The following WDFY3 variants were observed in gnomAD, a reference collection of about 807,000 sequenced individuals.
The protein encoded by WDFY3 is WD repeat and FYVE domain-containing protein 3.
In WDFY3, 66 loss-of-function variants were observed where a neutral mutation model predicts 409.6. The ratio of observed to expected loss-of-function variants is 0.16; its 90% CI spans 0.13 to 0.20. The LOEUF (loss-of-function observed/expected upper bound fraction) is 0.20, where lower values mean the gene tolerates loss of function less well. WDFY3 is among the 10% of genes least tolerant of loss of function. WDFY3 has a pLI of 1.00. For missense variants in WDFY3, 3,031 were observed against 4,298.1 expected, an observed-to-expected ratio of 0.71 and a Z score of 8.24; for synonymous variants, 1,521 against 1,537.1, an observed-to-expected ratio of 0.99 and a Z score of 0.25.
intron 53 of WDFY3, among the ~76,000 whole-genome samples, chr4:84,707,537 C>T (rs1475562018): frequency 6.6e-6 from 1 of 152,148 alleles, no homozygotes; most frequent in Non-Finnish European, 1.5e-5. Context: ...GTCAGAATTG[C>T]ATCGGGAGAA....
chr4:84,694,321 A>T (rs1729754458), intron 58 of WDFY3, among the ~76,000 whole-genome samples: 1 of 152,186 alleles, frequency 6.6e-6, no homozygotes, highest in Non-Finnish European at 1.5e-5. Context: ...ATGTATGGAG[A>T]TGATGACCAT....
intron 3 of WDFY3, among the ~76,000 whole-genome samples, chr4:84,885,330 ATGTGTGTGTGTGTGTGTGTGTG>A (rs70943380): frequency 5.5e-5 from 8 of 145,552 alleles, no homozygotes; most frequent in South Asian, 2.2e-4. Flanking sequence ...ACATATACAT[ATGTGTGTGTGTGTGTGTGTGTG>A]TGTGTGTGTG....
At chr4:84,749,573 A>G (rs1230504061) in intron 36 of WDFY3, among the ~76,000 whole-genome samples, 1 of 152,170 alleles carries the variant, frequency 6.6e-6, no homozygotes, top group Non-Finnish European at 1.5e-5. Flanking sequence ...TAGTTTTATT[A>G]TAAGGTTGAC....
chr4:84,937,245 T>C (rs562855971), intron 1 of WDFY3, among the ~76,000 whole-genome samples: 1 of 152,172 alleles, frequency 6.6e-6, no homozygotes, highest in Non-Finnish European at 1.5e-5. Context: ...TCTTGACTTA[T>C]CTGCAGCATT....
chr4:84,902,986 G>A (rs962100037), intron 2 of WDFY3, among the ~76,000 whole-genome samples: 3 of 152,164 alleles, frequency 2.0e-5, no homozygotes, highest in Non-Finnish European at 4.4e-5. Context: ...TAGGATTTAA[G>A]AATGAAAAGA....
intron 4 of WDFY3, among the ~76,000 whole-genome samples, chr4:84,854,432 A>G (rs1187249354): frequency 1.3e-5 from 2 of 152,216 alleles, no homozygotes; most frequent in African/African-American, 4.8e-5. Flanking sequence ...GACTTCAACA[A>G]CTGAATCTAA....
intron 3 of WDFY3, among the ~76,000 whole-genome samples, chr4:84,874,619 ATTG>A (rs1460402136): frequency 1.3e-5 from 2 of 152,172 alleles, no homozygotes; most frequent in East Asian, 3.9e-4. Context: ...TATTATGTAT[ATTG>A]TTTTCTCTGC....
chr4:84,868,609 A>G (rs1223864935), intron 3 of WDFY3, among the ~76,000 whole-genome samples: 2 of 152,154 alleles, frequency 1.3e-5, no homozygotes. Context: ...TGGTGTGCTT[A>G]ATTTTTTTCC....
At chr4:84,720,169 G>A (rs1379036999) in intron 47 of WDFY3, among the ~76,000 whole-genome samples, 1 of 152,078 alleles carries the variant, frequency 6.6e-6, no homozygotes, top group Non-Finnish European at 1.5e-5. Context: ...TGCCTATAAG[G>A]AGCTCGACAT....
At chr4:84,830,451 G>C (rs1014679514) in intron 8 of WDFY3, among the ~76,000 whole-genome samples, 1 of 152,124 alleles carries the variant, frequency 6.6e-6, no homozygotes, top group Non-Finnish European at 1.5e-5. Flanking sequence ...GGTAGGCTAG[G>C]CTAAGATATG....
At chr4:84,785,645 G>T (rs1008799712) in intron 24 of WDFY3, among the ~76,000 whole-genome samples, 2 of 152,160 alleles carry the variant, frequency 1.3e-5, no homozygotes, top group Admixed American at 6.5e-5. Context: ...AATGTCACCT[G>T]GCACATAATA....
chr4:84,930,275 A>G (rs868021562), intron 2 of WDFY3, among the ~76,000 whole-genome samples: 1 of 152,258 alleles, frequency 6.6e-6, no homozygotes, highest in African/African-American at 2.4e-5. Flanking sequence ...TTATTAAGAA[A>G]AAAGATATTA....
intron 16 of WDFY3, among the ~76,000 whole-genome samples, chr4:84,802,597 A>G (rs570535903): frequency 6.6e-6 from 1 of 152,268 alleles, no homozygotes; most frequent in East Asian, 1.9e-4. Flanking sequence ...TGAAGTCTCT[A>G]TATGCTTCCA....
chr4:84,703,145 G>C (rs2148943311), intron 55 of WDFY3, among the ~76,000 whole-genome samples: 1 of 151,438 alleles, frequency 6.6e-6, no homozygotes, highest in South Asian at 2.1e-4. Context: ...TCCATAGTTT[G>C]ATGATGCCAT....
chr4:84,751,831 A>G, intron 35 of WDFY3, 115 bp from the exon 36 acceptor site: 1 of 1,096,402 alleles, frequency 9.1e-7, no homozygotes, highest in Non-Finnish European at 1.3e-6. Flanking sequence ...TAAGCTATTC[A>G]GCACATTATT....
At chr4:84,798,933 CATGAG>C (rs532865013) in intron 17 of WDFY3, among the ~76,000 whole-genome samples, 292 of 152,308 alleles carry the variant, frequency 1.9e-3, no homozygotes, top group Non-Finnish European at 3.4e-3. Flanking sequence ...CAGTACCATA[CATGAG>C]ATGATTTCTA....
chr4:84,848,566 A>G (rs1758437147), intron 5 of WDFY3, among the ~76,000 whole-genome samples: 1 of 152,218 alleles, frequency 6.6e-6, no homozygotes, highest in South Asian at 2.1e-4. Flanking sequence ...ATCTCTGCTA[A>G]GAGGACCTCC....
intron 14 of WDFY3, chr4:84,809,553 C>A: frequency 5.2e-6 from 1 of 193,744 alleles, no homozygotes; most frequent in Admixed American, 5.6e-5. Flanking sequence ...TAACACATAT[C>A]AATAAGTCCA....
At chr4:84,950,568 G>C (rs1180148129) in intron 1 of WDFY3, among the ~76,000 whole-genome samples, 1 of 152,114 alleles carries the variant, frequency 6.6e-6, no homozygotes, top group Non-Finnish European at 1.5e-5. Flanking sequence ...AAGGCGGGTG[G>C]ATCATGATGT....
Sources: gnomAD v4.1 joint callset for allele counts (sites outside exome capture counted in the v4.1 genomes callset) on GRCh38, gnomAD v4.1.1 for gene constraint, MANE v1.5 for transcripts, NCBI Gene and HGNC (gene_info 2026-07-23, HGNC 2026-07-21) for gene names.